Variants in SMIM35 observed in about 807,000 individuals in gnomAD.
The protein encoded by SMIM35 is small integral membrane protein 35, also known as TMPRSS4 antisense RNA 1 (non-protein coding).
At chr11:118,019,681 A>T (rs971739098) in intron 1 of SMIM35, among the ~76,000 whole-genome samples, 1 of 152,108 alleles carries the variant, frequency 6.6e-6, no homozygotes, top group Admixed American at 6.5e-5. Flanking sequence ...CCTCCGAGAC[A>T]TACTCCTTAT....
intron 1 of SMIM35, among the ~76,000 whole-genome samples, chr11:118,074,983 C>A (rs993589016): frequency 6.6e-6 from 1 of 152,202 alleles, no homozygotes; most frequent in Non-Finnish European, 1.5e-5. Context: ...AGTCATCATC[C>A]CTCCAACCAG....
intron 1 of SMIM35, among the ~76,000 whole-genome samples, chr11:118,051,706 T>C (rs1296408081): frequency 6.6e-6 from 1 of 152,068 alleles, no homozygotes; most frequent in African/African-American, 2.4e-5. Flanking sequence ...ACCCTTACCA[T>C]CAAAACACAC....
intron 1 of SMIM35, 115 bp from the exon 2 acceptor site, chr11:118,015,924 A>G: frequency 2.5e-6 from 1 of 398,112 alleles, no homozygotes; most frequent in Non-Finnish European, 4.4e-6. Context: ...GTCCCCTGGG[A>G]GCCTTGCTCT....
chr11:118,017,127 T>G (rs1439246226), intron 1 of SMIM35, among the ~76,000 whole-genome samples: 1 of 152,004 alleles, frequency 6.6e-6, no homozygotes, highest in Non-Finnish European at 1.5e-5. Flanking sequence ...AGAACAAGAA[T>G]TACCCTCCTC....
At chr11:118,009,749 A>G (rs1395401176) in intron 4 of SMIM35, among the ~76,000 whole-genome samples, 3 of 151,330 alleles carry the variant, frequency 2.0e-5, no homozygotes, top group African/African-American at 4.9e-5. Flanking sequence ...AAAAAAGTAG[A>G]TGAGGTCTTT....
At chr11:118,027,252 CT>C (rs2058282566) in intron 1 of SMIM35, among the ~76,000 whole-genome samples, 1 of 150,210 alleles carries the variant, frequency 6.7e-6, no homozygotes, top group African/African-American at 2.5e-5. Context: ...TGGTCTCGAT[CT>C]CCTGACCTCA....
intron 1 of SMIM35, among the ~76,000 whole-genome samples, chr11:118,018,674 AG>A (rs2058202144): frequency 6.6e-6 from 1 of 152,220 alleles, no homozygotes; most frequent in Non-Finnish European, 1.5e-5. Flanking sequence ...AAGCACCAGC[AG>A]GGAAATCACA....
intron 1 of SMIM35, among the ~76,000 whole-genome samples, chr11:118,020,538 T>G (rs2058219688): frequency 6.6e-6 from 1 of 152,362 alleles, no homozygotes; most frequent in East Asian, 1.9e-4. Flanking sequence ...TCATTTATTT[T>G]GGGTCATCTT....
chr11:118,034,311 A>G lies in SMIM35; in HGVS notation c.8-18502T>C, dbSNP rs565921724. Among the ~76,000 whole-genome samples, 13 of 152,320 alleles carry G rather than the reference A, an allele frequency of 8.5e-5. No homozygotes were observed. The South Asian group carries it at 2.7e-3, about 32-fold the overall frequency. ...ACAAAAAAAGAAATAAAATAAAATA[A>G]TACATGTCTACTACAAATAAAGCAC... On this transcript the variant is annotated intron_variant, in intron 1 of 4. Coordinates refer to ENST00000689828, the MANE Select transcript of SMIM35 (RefSeq NM_001394165.1).
rs1449164644 is a variant in SMIM35, at chr11:118,006,142, T to G, written c.*268A>C. On this transcript the variant is annotated 3_prime_UTR_variant, in exon 5 of 5. Coordinates refer to ENST00000689828, the MANE Select transcript of SMIM35 (RefSeq NM_001394165.1). ...TTTTTGAAAGAATTGAAAGACTCACTGACTCCACTTCCAACTGCTTCTGCA... is the reference window on the plus strand; with the variant it reads ...TTTTTGAAAGAATTGAAAGACTCACGGACTCCACTTCCAACTGCTTCTGCA... The G allele has an allele frequency of 6.6e-6, 1 of 152,278 alleles. No homozygotes were observed. Among genetic ancestry groups the G allele is most frequent in the African/African-American group, 2.4e-5 (1 of 41,432 alleles). 9.4% of individuals were successfully genotyped at this position (152,278 alleles called of 1,614,324 possible). A position where few individuals can be genotyped will look rare whatever the true frequency, so the allele number is the denominator to read the frequency against.
chr11:118,023,759 G>T (rs1255068821), intron 1 of SMIM35, among the ~76,000 whole-genome samples: 1 of 152,080 alleles, frequency 6.6e-6, no homozygotes, highest in African/African-American at 2.4e-5. Flanking sequence ...AAAGCTGGGC[G>T]TGGTGGCTCA....
intron 1 of SMIM35, among the ~76,000 whole-genome samples, chr11:118,068,259 C>T (rs1001612979): frequency 5.9e-5 from 9 of 152,190 alleles, no homozygotes; most frequent in Non-Finnish European, 1.2e-4. Context: ...TCCCATTGCA[C>T]CCCTGGTTTT....
chr11:118,045,472 G>A (rs1944083792), intron 1 of SMIM35, among the ~76,000 whole-genome samples: 1 of 151,976 alleles, frequency 6.6e-6, no homozygotes, highest in Non-Finnish European at 1.5e-5. Flanking sequence ...AGGGGAGTGG[G>A]GTAGGGAGTA....
At chr11:118,017,236 G>C (rs913173868) in intron 1 of SMIM35, among the ~76,000 whole-genome samples, 5 of 152,228 alleles carry the variant, frequency 3.3e-5, no homozygotes, top group African/African-American at 1.2e-4. Flanking sequence ...GAGCAACCTT[G>C]TTCCCTGCTC....
intron 1 of SMIM35, 84 bp downstream of exon 1, chr11:118,086,667 C>A (rs1049291577): frequency 1.2e-4 from 19 of 152,978 alleles, no homozygotes; most frequent in African/African-American, 4.3e-4. Context: ...TGGGCTGCTG[C>A]ATCACCACCA....
intron 1 of SMIM35, among the ~76,000 whole-genome samples, chr11:118,024,392 G>T (rs923640763): frequency 1.4e-4 from 21 of 152,166 alleles, no homozygotes; most frequent in Middle Eastern, 3.2e-3. Context: ...TACAGGTCAA[G>T]GGTATGGTGT....
chr11:118,071,139 G>A (rs1396207764), intron 1 of SMIM35, among the ~76,000 whole-genome samples: 2 of 152,298 alleles, frequency 1.3e-5, no homozygotes, highest in African/African-American at 2.4e-5. Context: ...AAGAAAATGC[G>A]TCCTGCCATT....
chr11:118,054,826 C>CAG (rs1443159643), intron 1 of SMIM35, among the ~76,000 whole-genome samples: 1 of 136,134 alleles, frequency 7.3e-6, no homozygotes, highest in African/African-American at 2.8e-5. Flanking sequence ...TTTTTTGAGA[C>CAG]AGAGCTTTGT....
chr11:118,015,867 C>G (rs1028028950), intron 1 of SMIM35, 58 bp from the exon 2 acceptor site: 1 of 399,350 alleles, frequency 2.5e-6, no homozygotes, highest in East Asian at 3.6e-5. Flanking sequence ...CCCACCTGCA[C>G]CACGTTCCAA....
Sources: gnomAD v4.1 joint callset for allele counts (sites outside exome capture counted in the v4.1 genomes callset) on GRCh38, gnomAD v4.1.1 for gene constraint, MANE v1.5 for transcripts, NCBI Gene and HGNC (gene_info 2026-07-23, HGNC 2026-07-21) for gene names.